DGKG: variants seen among roughly 807,000 people sequenced by gnomAD.
The protein encoded by DGKG is diacylglycerol kinase gamma.
A neutral mutation model predicts 105.3 loss-of-function variants in DGKG; 78 were observed. That is an observed-to-expected ratio of 0.74 (90% CI 0.62 to 0.89). DGKG has a LOEUF of 0.89. Among genes scored for constraint, DGKG ranks in the 40% least tolerant of loss-of-function variants. The pLI, the probability that DGKG is intolerant of heterozygous loss-of-function variation, is 0.00. For synonymous variants in DGKG, 346 were observed against 367.1 expected (o/e 0.94, Z 0.66); for missense variants, 958 against 1,020.1 (o/e 0.94, Z 0.83).
At chr3:186,178,713 G>T (rs542237110) in intron 22 of DGKG, among the ~76,000 whole-genome samples, 1 of 152,194 alleles carries the variant, frequency 6.6e-6, no homozygotes, top group Non-Finnish European at 1.5e-5. Flanking sequence ...TCATTCAGAC[G>T]TCAGCTGAGA....
intron 5 of DGKG, 49 bp downstream of exon 5, chr3:186,297,372 A>T: frequency 7.2e-7 from 1 of 1,392,810 alleles, no homozygotes; most frequent in South Asian, 1.2e-5. Flanking sequence ...CTCCCCAAGG[A>T]TGAGGTATTC....
intron 22 of DGKG, among the ~76,000 whole-genome samples, chr3:186,169,204 T>TTTG (rs1716700074): frequency 6.6e-6 from 1 of 152,210 alleles, no homozygotes; most frequent in Non-Finnish European, 1.5e-5. Flanking sequence ...TTCAATAACA[T>TTTG]TAAATATTGT....
intron 1 of DGKG, among the ~76,000 whole-genome samples, chr3:186,336,558 C>T (rs998651768): frequency 2.0e-5 from 3 of 151,992 alleles, no homozygotes; most frequent in African/African-American, 7.3e-5. Flanking sequence ...GGGACACAAA[C>T]GAAATCTAAG....
rs1472230353 is a variant in DGKG, at chr3:186,347,113, T to C, written c.-249+14833A>G. Reference sequence around the variant, plus strand: ...CCATTTTGTTTAAAACAGCATATATTTAGAATTGGGTTTTGACCAATGCGT... The same window carrying C: ...CCATTTTGTTTAAAACAGCATATATCTAGAATTGGGTTTTGACCAATGCGT... On this transcript the variant is annotated intron_variant, in intron 1 of 24. Transcript: ENST00000265022. 2.6e-5 allele frequency among the ~76,000 whole-genome samples: 4 copies of C among 152,130 alleles called. No homozygotes were observed. The East Asian group carries it at 7.7e-4, about 29-fold the overall frequency.
intron 19 of DGKG, among the ~76,000 whole-genome samples, chr3:186,249,100 G>A (rs779110210): frequency 4.6e-5 from 7 of 152,112 alleles, no homozygotes; most frequent in Admixed American, 3.3e-4. Flanking sequence ...CTGAACAGCC[G>A]GTCCAAAAAG....
intron 14 of DGKG, among the ~76,000 whole-genome samples, chr3:186,262,586 G>C (rs1350650849): frequency 6.6e-6 from 1 of 152,156 alleles, no homozygotes; most frequent in Non-Finnish European, 1.5e-5. Flanking sequence ...TATTAAAGGA[G>C]GATTTGGATT....
At chr3:186,297,312 A>C in intron 5 of DGKG, 109 bp downstream of exon 5, 2 of 842,010 alleles carry the variant, frequency 2.4e-6, no homozygotes, top group Non-Finnish European at 2.0e-6. Flanking sequence ...GATCTGCATA[A>C]GATTGCACAA....
chr3:186,154,219 A>G (rs1264032025), intron 24 of DGKG, among the ~76,000 whole-genome samples: 1 of 152,230 alleles, frequency 6.6e-6, no homozygotes, highest in Non-Finnish European at 1.5e-5. Flanking sequence ...TAAAAGTTAA[A>G]GAAATATGGT....
chr3:186,241,754 A>G (rs1720696292), intron 20 of DGKG, among the ~76,000 whole-genome samples: 1 of 152,198 alleles, frequency 6.6e-6, no homozygotes, highest in African/African-American at 2.4e-5. Flanking sequence ...ATGAAAATTG[A>G]CTAATGAGAA....
chr3:186,329,614 A>G (rs528628780), intron 1 of DGKG, among the ~76,000 whole-genome samples: 4 of 152,360 alleles, frequency 2.6e-5, no homozygotes, highest in African/African-American at 9.6e-5. Context: ...TCATAAGGGA[A>G]GAAAGACTAA....
chr3:186,321,164 T>C (rs578249629), intron 1 of DGKG, among the ~76,000 whole-genome samples: 1 of 152,326 alleles, frequency 6.6e-6, no homozygotes, highest in African/African-American at 2.4e-5. Flanking sequence ...AGCAGTTCTC[T>C]GTCCTCTTAG....
intron 1 of DGKG, among the ~76,000 whole-genome samples, chr3:186,326,372 C>A (rs142634367): frequency 0.019 from 2,889 of 150,854 alleles, 97 homozygotes; most frequent in African/African-American, 0.068. Flanking sequence ...GCACTCCAGC[C>A]TGGGTGACAG....
chr3:186,175,642 G>C (rs1233575582), intron 22 of DGKG, among the ~76,000 whole-genome samples: 1 of 152,176 alleles, frequency 6.6e-6, no homozygotes, highest in Non-Finnish European at 1.5e-5. Flanking sequence ...AGCCAGCAGA[G>C]CTATGGAATC....
In DGKG at chr3:186,271,625, G is replaced by A. The variant is rs139753060; in HGVS notation, c.999+630C>T. On this transcript the variant is annotated intron_variant, in intron 11 of 24. Coordinates refer to ENST00000265022, the MANE Select transcript of DGKG (RefSeq NM_001346.3). ...TGCTTGAAGCTCTTCAGTGGCCCCC[G>A]GCTGCACAGAAAACACCTTTCTCAC... Among the ~76,000 whole-genome samples the A allele has an allele frequency of 4.8e-3, 732 of 152,192 alleles. 11 individuals are homozygous for A. Among genetic ancestry groups the A allele is most frequent in the African/African-American group, 0.015 (628 of 41,508 alleles).
chr3:186,331,445 C>T (rs994161269), intron 1 of DGKG, among the ~76,000 whole-genome samples: 1 of 152,126 alleles, frequency 6.6e-6, no homozygotes, highest in Non-Finnish European at 1.5e-5. Context: ...GCATGTAGTC[C>T]TTAAATAAAC....
At chr3:186,302,505 T>TATATATAC (rs1724000913) in intron 3 of DGKG, among the ~76,000 whole-genome samples, 1 of 12,080 alleles carries the variant, frequency 8.3e-5, no homozygotes, top group Non-Finnish European at 1.6e-4. Context: ...TATATATATA[T>TATATATAC]ACATATGTGT....
In DGKG at chr3:186,190,987, G is replaced by A. The variant is rs1717878777; in HGVS notation, c.1918-2608C>T. ...TACTTTTTGTTATTAGACAGATGATGGAATTTAGAGATGAGAGGCACATAA... is the reference window on the plus strand; with the variant it reads ...TACTTTTTGTTATTAGACAGATGATAGAATTTAGAGATGAGAGGCACATAA... On this transcript the variant is annotated intron_variant, in intron 21 of 24. Transcript: ENST00000265022. Among the ~76,000 whole-genome samples, 4 of 152,106 alleles carry A rather than the reference G, an allele frequency of 2.6e-5. No homozygotes were observed. In the South Asian group the frequency reaches 6.2e-4, roughly 24 times the overall value.
chr3:186,360,105 G>A (rs552166564), intron 1 of DGKG, among the ~76,000 whole-genome samples: 2 of 152,246 alleles, frequency 1.3e-5, no homozygotes, highest in African/African-American at 4.8e-5. Flanking sequence ...GGGCCTCTGG[G>A]AGTGTCCGGG....
chr3:186,257,075 A>AT (rs755870873), intron 17 of DGKG, among the ~76,000 whole-genome samples: 12 of 152,164 alleles, frequency 7.9e-5, no homozygotes, highest in Non-Finnish European at 1.6e-4. Context: ...CACAGGCAGC[A>AT]TTTTTGGGAT....
Sources: gnomAD v4.1 joint callset for allele counts (sites outside exome capture counted in the v4.1 genomes callset) on GRCh38, gnomAD v4.1.1 for gene constraint, MANE v1.5 for transcripts, NCBI Gene and HGNC (gene_info 2026-07-23, HGNC 2026-07-21) for gene names.